UNC13C: variants seen among roughly 807,000 people sequenced by gnomAD.
UNC13C encodes the protein protein unc-13 homolog C.
Under a neutral mutation model 245.4 loss-of-function variants are expected in UNC13C, and 174 were observed. The observed-to-expected ratio is 0.71, with a 90% CI of 0.63 to 0.80. UNC13C has a LOEUF of 0.80. Among genes scored for constraint, UNC13C ranks in the 30% least tolerant of loss-of-function variants. The pLI, the probability that UNC13C is intolerant of heterozygous loss-of-function variation, is 0.00. For missense variants in UNC13C, 2,829 were observed against 2,602.9 expected (o/e 1.09, Z -1.89); for synonymous variants, 992 against 895.1 (o/e 1.11, Z -1.93).
chr15:54,231,830 C>CT (rs1222554314), intron 4 of UNC13C, among the ~76,000 whole-genome samples: 1 of 152,036 alleles, frequency 6.6e-6, no homozygotes, highest in East Asian at 1.9e-4. Flanking sequence ...CATCTGACTT[C>CT]TTGTTCATCA....
At chr15:54,103,031 G>A (rs894319555) in intron 2 of UNC13C, among the ~76,000 whole-genome samples, 2 of 152,208 alleles carry the variant, frequency 1.3e-5, no homozygotes, top group African/African-American at 2.4e-5. Context: ...GGTAGATTTT[G>A]TCCTCTGTGA....
intron 2 of UNC13C, among the ~76,000 whole-genome samples, chr15:54,104,979 G>A (rs190069432): frequency 6.6e-6 from 1 of 152,116 alleles, no homozygotes; most frequent in African/African-American, 2.4e-5. Context: ...TGCTGCCAAT[G>A]TCACTTTCTG....
chr15:54,505,174 C>T (rs1894415717), intron 22 of UNC13C, among the ~76,000 whole-genome samples: 1 of 152,102 alleles, frequency 6.6e-6, no homozygotes. Context: ...TGTTTGTTCC[C>T]TCTGTCTGCA....
chr15:53,915,159 G>C, the UNC13C span, among the ~76,000 whole-genome samples: 2 of 152,126 alleles, frequency 1.3e-5, no homozygotes, highest in African/African-American at 4.8e-5. Context: ...CTGCCACAGG[G>C]GCCTGTGGAG....
intron 10 of UNC13C, among the ~76,000 whole-genome samples, chr15:54,268,028 T>C (rs752575335): frequency 6.6e-5 from 10 of 152,042 alleles, no homozygotes; most frequent in Non-Finnish European, 1.3e-4. Context: ...ACATGTTCCA[T>C]GGTGGTTTGC....
intron 2 of UNC13C, among the ~76,000 whole-genome samples, chr15:54,108,771 G>T (rs1421390675): frequency 1.3e-5 from 2 of 152,122 alleles, no homozygotes; most frequent in Non-Finnish European, 2.9e-5. Flanking sequence ...ATAAAAAGAG[G>T]TGGAGGCATA....
the UNC13C span, among the ~76,000 whole-genome samples, chr15:53,921,634 C>CT: frequency 4.6e-5 from 7 of 152,286 alleles, no homozygotes; most frequent in East Asian, 7.7e-4. Flanking sequence ...TTATGACAGT[C>CT]TTTCTTGAGC....
intron 24 of UNC13C, among the ~76,000 whole-genome samples, chr15:54,520,436 A>G (rs1895166180): frequency 6.6e-6 from 1 of 152,182 alleles, no homozygotes; most frequent in South Asian, 2.1e-4. Context: ...GAAGTTTACT[A>G]GGTACTTGGA....
the UNC13C span, among the ~76,000 whole-genome samples, chr15:53,871,842 A>G: frequency 3.3e-5 from 5 of 152,184 alleles, no homozygotes; most frequent in Non-Finnish European, 7.3e-5. Flanking sequence ...AAGTCATCAC[A>G]GTGAGTATTG....
intron 30 of UNC13C, among the ~76,000 whole-genome samples, chr15:54,617,837 T>G (rs1170442849): frequency 1.3e-5 from 2 of 151,986 alleles, no homozygotes; most frequent in Non-Finnish European, 2.9e-5. Context: ...ATGGAGGAGC[T>G]ATGGGGCAGA....
chr15:54,529,910 C>T (rs753800112), intron 25 of UNC13C, among the ~76,000 whole-genome samples: 71 of 152,224 alleles, frequency 4.7e-4, no homozygotes, highest in Admixed American at 3.1e-3. Flanking sequence ...ATGAGAATAG[C>T]AGACAATATA....
intron 30 of UNC13C, among the ~76,000 whole-genome samples, chr15:54,609,138 A>C (rs1566937305): frequency 6.6e-6 from 1 of 152,168 alleles, no homozygotes; most frequent in Non-Finnish European, 1.5e-5. Context: ...GTCCATAACT[A>C]AGCTGATTTC....
chr15:54,570,489 A>G (rs1897706601), intron 30 of UNC13C, among the ~76,000 whole-genome samples: 1 of 152,172 alleles, frequency 6.6e-6, no homozygotes, highest in African/African-American at 2.4e-5. Context: ...TAGGGGAGGG[A>G]CAATGCTATG....
At position 54,316,908 on chromosome 15, in the gene UNC13C, T is replaced by C. The variant is rs545196180; in HGVS notation, c.4269-5031T>C. ...TTTCTGCTGTACAACAAAATTAGGA[T>C]TCGAGGTATGTGCTTCTCTTTTAAG... On this transcript the variant is annotated intron_variant, in intron 13 of 32. Coordinates refer to ENST00000260323, the MANE Select transcript of UNC13C (RefSeq NM_001080534.3). Among the ~76,000 whole-genome samples the C allele has an allele frequency of 1.1e-4, 17 of 152,004 alleles. No individual in the cohort carries two copies. The East Asian group carries it at 3.3e-3, about 30-fold the overall frequency.
chr15:54,481,024 A>G (rs1893075985), intron 19 of UNC13C, among the ~76,000 whole-genome samples: 1 of 152,126 alleles, frequency 6.6e-6, no homozygotes, highest in African/African-American at 2.4e-5. Context: ...CTCAAAACCT[A>G]TGTAACTATA....
intron 32 of UNC13C, among the ~76,000 whole-genome samples, 182 bp downstream of exon 32, chr15:54,624,136 G>A (rs1900987722): frequency 6.6e-6 from 1 of 151,648 alleles, no homozygotes; most frequent in Non-Finnish European, 1.5e-5. Context: ...ATAGTCATTA[G>A]GTGTATATAT....
At chr15:53,981,160 A>T (rs1893911621) in intron 1 of UNC13C, among the ~76,000 whole-genome samples, 1 of 152,138 alleles carries the variant, frequency 6.6e-6, no homozygotes, top group Admixed American at 6.5e-5. Flanking sequence ...CATTTCTGTT[A>T]ACCTTTTCAG....
chr15:54,312,940 C>A (rs2037913459), intron 13 of UNC13C, among the ~76,000 whole-genome samples: 1 of 151,768 alleles, frequency 6.6e-6, no homozygotes, highest in South Asian at 2.1e-4. Context: ...ACTGGGAAAT[C>A]TTTGATTGGT....
chr15:54,507,801 T>C (rs1596489948), intron 23 of UNC13C, among the ~76,000 whole-genome samples: 3 of 151,856 alleles, frequency 2.0e-5, no homozygotes, highest in East Asian at 3.9e-4. Flanking sequence ...TCTGTAATAT[T>C]AGGAGAAATA....
Sources: gnomAD v4.1 joint callset for allele counts (sites outside exome capture counted in the v4.1 genomes callset) on GRCh38, gnomAD v4.1.1 for gene constraint, MANE v1.5 for transcripts, NCBI Gene and HGNC (gene_info 2026-07-23, HGNC 2026-07-21) for gene names.